The following ATP8A1 variants were observed in gnomAD, a reference collection of about 807,000 sequenced individuals.
ATP8A1 encodes phospholipid-transporting ATPase IA.
In ATP8A1, 90 loss-of-function variants were observed where a neutral mutation model predicts 177.7. The observed-to-expected ratio is 0.51, with a 90% CI of 0.43 to 0.60. The LOEUF is 0.60. Among genes scored for constraint, ATP8A1 ranks in the 20% least tolerant of loss-of-function variants. The pLI is 0.00. For synonymous variants in ATP8A1, 493 were observed against 485.9 expected, an observed-to-expected ratio of 1.01 and a Z score of -0.19; for missense variants, 1,072 against 1,392.8, an observed-to-expected ratio of 0.77 and a Z score of 3.67.
At chr4:42,581,247 C>T (rs889922980) in intron 10 of ATP8A1, among the ~76,000 whole-genome samples, 2 of 152,140 alleles carry the variant, frequency 1.3e-5, no homozygotes, top group African/African-American at 4.8e-5. Flanking sequence ...CATTCTCCTG[C>T]CTCAGCCTCC....
intron 10 of ATP8A1, 148 bp from the exon 11 acceptor site, chr4:42,580,126 G>GT: frequency 2.0e-6 from 1 of 502,830 alleles, no homozygotes; most frequent in Non-Finnish European, 3.4e-6. Context: ...CATGACAAAT[G>GT]TAATAAGGTG....
chr4:42,546,442 GA>G (rs1382655026), intron 19 of ATP8A1, among the ~76,000 whole-genome samples: 2 of 115,298 alleles, frequency 1.7e-5, no homozygotes, highest in Admixed American at 9.8e-5. Context: ...GGGGTGGGGG[GA>G]GGGGGGAGGG....
chr4:42,455,705 T>A, intron 27 of ATP8A1, 106 bp from the exon 28 acceptor site: 1 of 949,276 alleles, frequency 1.1e-6, no homozygotes, highest in East Asian at 2.6e-5. Flanking sequence ...CATTAACATA[T>A]TATACTCATG....
At chr4:42,554,700 C>T (rs1729872682) in intron 16 of ATP8A1, among the ~76,000 whole-genome samples, 1 of 152,126 alleles carries the variant, frequency 6.6e-6, no homozygotes, top group Non-Finnish European at 1.5e-5. Context: ...ATAACTTGAT[C>T]TTATGAAAAC....
chr4:42,423,813 AAG>A (rs775077904), intron 33 of ATP8A1, 108 bp from the exon 34 acceptor site: 67 of 691,512 alleles, frequency 9.7e-5, no homozygotes, highest in Admixed American at 7.5e-5. Context: ...ATCATTCTGT[AAG>A]AGAGTATACA....
At chr4:42,530,610 G>T (rs1001732425) in intron 20 of ATP8A1, among the ~76,000 whole-genome samples, 1 of 152,198 alleles carries the variant, frequency 6.6e-6, no homozygotes, top group African/African-American at 2.4e-5. Context: ...GGGCTCACTG[G>T]TCTTACCATG....
At chr4:42,617,339 A>T (rs1244626301) in intron 4 of ATP8A1, among the ~76,000 whole-genome samples, 6 of 152,240 alleles carry the variant, frequency 3.9e-5, no homozygotes, top group Non-Finnish European at 8.8e-5. Flanking sequence ...GACATGCAGG[A>T]ACACAATCAG....
chr4:42,632,123 G>A (rs115970969), intron 1 of ATP8A1, among the ~76,000 whole-genome samples: 3,346 of 152,216 alleles, frequency 0.022, 50 homozygotes, highest in Non-Finnish European at 0.035. Context: ...TTGAGGAATG[G>A]AACTGAGCAA....
chr4:42,643,777 C>T (rs983255896), intron 1 of ATP8A1, among the ~76,000 whole-genome samples: 3 of 152,134 alleles, frequency 2.0e-5, no homozygotes, highest in African/African-American at 7.2e-5. Flanking sequence ...GGTATTATCA[C>T]TTTATCAAAG....
At chr4:42,566,848 T>C (rs1731395591) in intron 15 of ATP8A1, among the ~76,000 whole-genome samples, 1 of 152,336 alleles carries the variant, frequency 6.6e-6, no homozygotes, top group East Asian at 1.9e-4. Context: ...TTGCCTGAAT[T>C]TCACCAACTT....
At chr4:42,618,721 G>A (rs1403837966) in intron 4 of ATP8A1, among the ~76,000 whole-genome samples, 1 of 152,210 alleles carries the variant, frequency 6.6e-6, no homozygotes, top group Non-Finnish European at 1.5e-5. Context: ...TCCAGTGGTT[G>A]TGGATAGAAT....
intron 33 of ATP8A1, among the ~76,000 whole-genome samples, chr4:42,440,632 A>G (rs942105806): frequency 1.3e-5 from 2 of 152,204 alleles, no homozygotes; most frequent in African/African-American, 4.8e-5. Context: ...ATTGATTGAA[A>G]AAAAATATAT....
At chr4:42,600,429 C>T (rs776121718) in intron 6 of ATP8A1, 49 bp downstream of exon 6, 2 of 1,516,378 alleles carry the variant, frequency 1.3e-6, no homozygotes, top group East Asian at 2.3e-5. Context: ...TACTAGAGTA[C>T]ACCGCTATGT....
chr4:42,594,742 C>A (rs1734558269), intron 6 of ATP8A1, among the ~76,000 whole-genome samples: 1 of 152,026 alleles, frequency 6.6e-6, no homozygotes, highest in South Asian at 2.1e-4. Flanking sequence ...TTGCTCCTCA[C>A]AATAACGCTT....
At chr4:42,481,736 G>A (rs1276140343) in intron 25 of ATP8A1, among the ~76,000 whole-genome samples, 1 of 152,144 alleles carries the variant, frequency 6.6e-6, no homozygotes, top group African/African-American at 2.4e-5. Context: ...AACCCCTGAA[G>A]GGCTTCATGA....
chr4:42,506,884 G>T, intron 23 of ATP8A1, 132 bp downstream of exon 23: 1 of 1,113,906 alleles, frequency 9.0e-7, no homozygotes. Context: ...ATGCAATGGT[G>T]AAAAAAGATT....
At chr4:42,613,920 T>C (rs1736644130) in intron 5 of ATP8A1, among the ~76,000 whole-genome samples, 1 of 152,048 alleles carries the variant, frequency 6.6e-6, no homozygotes, top group Admixed American at 6.6e-5. Context: ...TGATCTTCAA[T>C]TGGTTGAATC....
intron 19 of ATP8A1, among the ~76,000 whole-genome samples, chr4:42,548,572 A>G (rs1249626947): frequency 6.6e-6 from 1 of 152,182 alleles, no homozygotes; most frequent in Non-Finnish European, 1.5e-5. Context: ...CCTCTCTTCT[A>G]GTATTTTGAA....
rs966083059 is a variant in ATP8A1, at chr4:42,408,455, C to T, written c.*4461G>A. 6.6e-6 allele frequency: 1 copy of T among 152,160 alleles called. No individual in the cohort carries two copies. The highest frequency in any genetic ancestry group is 2.4e-5 in the African/African-American group (1 of 41,434). The allele number at this position is 152,160 out of a possible 1,614,324, so 9.4% of individuals were successfully genotyped here. A position where few individuals can be genotyped will look rare whatever the true frequency, so the allele number is the denominator to read the frequency against. ...TAAAATTTGCAGTTTAAAACATGCA[C>T]ATTCACAAAAGGCCAATGACACATA... On this transcript the variant is annotated 3_prime_UTR_variant, in exon 37 of 37. Coordinates refer to ENST00000381668, the MANE Select transcript of ATP8A1 (RefSeq NM_006095.2).
Sources: gnomAD v4.1 joint callset for allele counts (sites outside exome capture counted in the v4.1 genomes callset) on GRCh38, gnomAD v4.1.1 for gene constraint, MANE v1.5 for transcripts, NCBI Gene and HGNC (gene_info 2026-07-23, HGNC 2026-07-21) for gene names.